DIP2B: variants seen among roughly 807,000 people sequenced by gnomAD.
DIP2B encodes the protein disco-interacting protein 2 homolog B.
DIP2B carries 76 observed loss-of-function variants against 198.0 expected under a neutral mutation model. That is an observed-to-expected ratio of 0.38 (90% confidence interval 0.32 to 0.46). The LOEUF is 0.46. DIP2B is among the 20% of genes least tolerant of loss of function. The probability of loss-of-function intolerance (pLI) is 0.99; values close to 1 mark genes in which losing one functional copy is unlikely to be tolerated. For synonymous variants in DIP2B, 701 were observed against 739.1 expected, an observed-to-expected ratio of 0.95 and a Z score of 0.84; for missense variants, 1,559 against 1,978.4, an observed-to-expected ratio of 0.79 and a Z score of 4.02.
At chr12:50,744,557 C>A (rs1371165858) in intron 37 of DIP2B, 30 bp from the exon 38 acceptor site, 1 of 1,608,160 alleles carries the variant, frequency 6.2e-7, no homozygotes, top group South Asian at 1.1e-5. Context: ...AATGTAGTGA[C>A]AAGTTAATGA....
rs781011716 is a variant in DIP2B, at chr12:50,678,842, C to T, written c.1080C>T (p.Asp360=). The change falls in exon 8 of 38, where the codon GAC becomes GAT. Residue 360 remains aspartate (D), a synonymous_variant. Coordinates refer to ENST00000301180, the MANE Select transcript of DIP2B (RefSeq NM_173602.3). ...QAKCSCLTAL[D]MTGKPVYTLT... is the part of the protein sequence containing the mutation. ...AATGCTCCTGTCTGACTGCACTGGACATGACAGGGAAACCAGTTTACACTC... is the reference window on the plus strand; with the variant it reads ...AATGCTCCTGTCTGACTGCACTGGATATGACAGGGAAACCAGTTTACACTC... 1.2e-6 allele frequency: 2 copies of T among 1,614,200 alleles called. No homozygotes were observed. The highest frequency in any genetic ancestry group is 2.2e-5 in the South Asian group (2 of 91,088).
In DIP2B at chr12:50,741,468, G is replaced by C; in HGVS notation, c.4407G>C (p.Leu1469=). Residue 1469 remains leucine (L), a synonymous_variant, in exon 37 of 38, where the codon CTG becomes CTC. Transcript: ENST00000301180. ...GAGCGCTGGATGAAACACTGGAGCT[G>C]AGAGGATTACGATACCACCCAATTG... The part of the protein sequence containing the change: ...VVGALDETLE[L]RGLRYHPIDI... 1 of 1,614,188 alleles carries C rather than the reference G, an allele frequency of 6.2e-7. No homozygotes were observed. Among genetic ancestry groups the C allele is most frequent in the Non-Finnish European group, 8.5e-7 (1 of 1,180,028 alleles).
intron 3 of DIP2B, among the ~76,000 whole-genome samples, chr12:50,654,371 TA>T (rs1938517971): frequency 6.6e-6 from 1 of 150,994 alleles, no homozygotes; most frequent in Non-Finnish European, 1.5e-5. Context: ...TTTTTTTTTT[TA>T]AAGATAGAGT....
intron 1 of DIP2B, among the ~76,000 whole-genome samples, chr12:50,514,486 G>A (rs1461707553): frequency 6.6e-6 from 1 of 152,080 alleles, no homozygotes; most frequent in African/African-American, 2.4e-5. Flanking sequence ...TTTTCTCAGA[G>A]GAGGAACTGT....
intron 11 of DIP2B, 143 bp downstream of exon 11, chr12:50,686,099 C>A: frequency 2.3e-6 from 2 of 876,226 alleles, no homozygotes; most frequent in Non-Finnish European, 3.3e-6. Context: ...CCATTATTAT[C>A]CCCATTTTAC....
chr12:50,554,759 T>TCC (rs555075210), intron 1 of DIP2B, among the ~76,000 whole-genome samples: 10 of 149,164 alleles, frequency 6.7e-5, no homozygotes, highest in Admixed American at 5.5e-4. Flanking sequence ...ATCTCGCCGC[T>TCC]CCCCCCCCGC....
intron 1 of DIP2B, among the ~76,000 whole-genome samples, chr12:50,545,744 T>C (rs1016215488): frequency 6.6e-6 from 1 of 151,350 alleles, no homozygotes; most frequent in Non-Finnish European, 1.5e-5. Flanking sequence ...CTAGTGATTC[T>C]CCTGCCTCTG....
chr12:50,589,503 C>A lies in DIP2B; in HGVS notation c.101-36473C>A, dbSNP rs182316496. Among the ~76,000 whole-genome samples, 102 of 152,202 alleles carry A rather than the reference C, an allele frequency of 6.7e-4. 2 individuals are homozygous for A. Among genetic ancestry groups the A allele is most frequent in the Admixed American group, 6.7e-3 (102 of 15,288 alleles). The stretch of plus-strand genomic sequence containing the variant: ...CATTAATTTAAAATTTGTGGTCATC[C>A]TTCAGGAGTAGCCTTTCTGAAGAGG... On this transcript the variant is annotated intron_variant, in intron 1 of 37. Coordinates refer to ENST00000301180, the MANE Select transcript of DIP2B (RefSeq NM_173602.3).
intron 1 of DIP2B, among the ~76,000 whole-genome samples, chr12:50,586,578 A>G (rs2139424819): frequency 6.6e-6 from 1 of 152,290 alleles, no homozygotes; most frequent in African/African-American, 2.4e-5. Context: ...CAAACAAACA[A>G]CATTTTTTAT....
At chr12:50,630,663 CTTTTTTTT>C (rs11327858) in intron 2 of DIP2B, among the ~76,000 whole-genome samples, 19 of 74,586 alleles carry the variant, frequency 2.5e-4, no homozygotes, top group South Asian at 1.4e-3. Flanking sequence ...TCTTTCTTTT[CTTTTTTTT>C]TTTTTTTTTT....
chr12:50,565,700 A>T (rs1342482031), intron 1 of DIP2B, among the ~76,000 whole-genome samples: 1 of 152,234 alleles, frequency 6.6e-6, no homozygotes, highest in Non-Finnish European at 1.5e-5. Flanking sequence ...AGTAGGATAC[A>T]TCAATTAAAA....
At chr12:50,525,050 G>GA (rs1165241220) in intron 1 of DIP2B, among the ~76,000 whole-genome samples, 3 of 150,398 alleles carry the variant, frequency 2.0e-5, no homozygotes, top group Middle Eastern at 3.2e-3. Context: ...TTTCAATGGA[G>GA]AAAAAGCATC....
intron 1 of DIP2B, among the ~76,000 whole-genome samples, chr12:50,621,533 C>A (rs1265720760): frequency 6.6e-6 from 1 of 152,196 alleles, no homozygotes; most frequent in African/African-American, 2.4e-5. Context: ...GTTCAACAAG[C>A]GTCTATTGTG....
At chr12:50,531,270 G>A (rs999834923) in intron 1 of DIP2B, among the ~76,000 whole-genome samples, 22 of 152,008 alleles carry the variant, frequency 1.4e-4, no homozygotes, top group African/African-American at 1.2e-4. Flanking sequence ...GGATGGTCTC[G>A]ATCTCCTGAC....
At chr12:50,581,671 G>A (rs1369628822) in intron 1 of DIP2B, among the ~76,000 whole-genome samples, 1 of 134,350 alleles carries the variant, frequency 7.4e-6, no homozygotes, top group Non-Finnish European at 1.5e-5. Context: ...ACTACTTGTG[G>A]TGTACGTTAT....
At chr12:50,729,942 T>C (rs1205692150) in intron 30 of DIP2B, among the ~76,000 whole-genome samples, 2 of 152,084 alleles carry the variant, frequency 1.3e-5, no homozygotes, top group East Asian at 3.9e-4. Flanking sequence ...AGGCTGGTCT[T>C]GAACTCCTGG....
intron 10 of DIP2B, among the ~76,000 whole-genome samples, chr12:50,684,921 G>T (rs998196964): frequency 6.6e-6 from 1 of 151,942 alleles, no homozygotes; most frequent in Non-Finnish European, 1.5e-5. Context: ...ACGAAACCCT[G>T]TCTCTACTAA....
At chr12:50,618,602 G>A (rs1184906127) in intron 1 of DIP2B, among the ~76,000 whole-genome samples, 1 of 152,216 alleles carries the variant, frequency 6.6e-6, no homozygotes, top group African/African-American at 2.4e-5. Flanking sequence ...GTGTTTAAGA[G>A]CAGGGGCTCT....
chr12:50,697,065 C>T lies in DIP2B; in HGVS notation c.1938C>T (p.Ser646=), dbSNP rs138801654. Residue 646 remains serine, a synonymous_variant, in exon 17 of 38, where the codon TCC becomes TCT. Coordinates refer to ENST00000301180, the MANE Select transcript of DIP2B (RefSeq NM_173602.3). ...LIVTDGANPW[S]VSSCDAFLSL... Reference sequence around the variant, plus strand: ...TGATCTGTTCCAACTCCTTAGGGTCCGTGTCATCCTGTGATGCCTTCCTGA... The same window carrying T: ...TGATCTGTTCCAACTCCTTAGGGTCTGTGTCATCCTGTGATGCCTTCCTGA... 2.1e-5 allele frequency: 34 copies of T among 1,613,482 alleles called. No homozygotes were observed. Among genetic ancestry groups the T allele is most frequent in the Non-Finnish European group, 2.7e-5 (32 of 1,179,596 alleles).
Sources: gnomAD v4.1 joint callset for allele counts (sites outside exome capture counted in the v4.1 genomes callset) on GRCh38, gnomAD v4.1.1 for gene constraint, MANE v1.5 for transcripts, NCBI Gene and HGNC (gene_info 2026-07-23, HGNC 2026-07-21) for gene names.